CCDC192: variants seen among roughly 807,000 people sequenced by gnomAD.
The protein encoded by CCDC192 is coiled-coil domain-containing protein 192.
At chr5:127,754,731 A>G (rs1580602213) in intron 3 of CCDC192, among the ~76,000 whole-genome samples, 1 of 152,360 alleles carries the variant, frequency 6.6e-6, no homozygotes, top group East Asian at 1.9e-4. Flanking sequence ...TTATAAACAG[A>G]TAAGCTCAAA....
intron 2 of CCDC192, among the ~76,000 whole-genome samples, chr5:127,751,538 G>T (rs549338937): frequency 2.6e-4 from 39 of 152,224 alleles, no homozygotes; most frequent in African/African-American, 9.4e-4. Context: ...CTCTCTGGCT[G>T]CCCTTAACAT....
chr5:127,866,861 A>G (rs184621965), intron 5 of CCDC192, among the ~76,000 whole-genome samples: 48 of 152,344 alleles, frequency 3.2e-4, no homozygotes, highest in African/African-American at 1.1e-3. Context: ...AATAATACAT[A>G]TCACAGAAAA....
chr5:127,886,721 T>A (rs1024942303), intron 6 of CCDC192, among the ~76,000 whole-genome samples: 1 of 152,226 alleles, frequency 6.6e-6, no homozygotes, highest in Non-Finnish European at 1.5e-5. Context: ...TATTAGTAGT[T>A]CAGTTCAGTT....
intron 2 of CCDC192, among the ~76,000 whole-genome samples, chr5:127,751,894 C>T (rs1423098331): frequency 6.6e-6 from 1 of 152,100 alleles, no homozygotes; most frequent in Non-Finnish European, 1.5e-5. Flanking sequence ...CCCTTTCTTC[C>T]AGTTGATCGC....
chr5:127,919,347 ATT>A (rs1753639922), intron 6 of CCDC192, among the ~76,000 whole-genome samples: 1 of 152,096 alleles, frequency 6.6e-6, no homozygotes, highest in Non-Finnish European at 1.5e-5. Flanking sequence ...ACTACAGATA[ATT>A]TTTTAAGTTA....
chr5:127,902,428 G>GAACA (rs975546498), intron 6 of CCDC192, among the ~76,000 whole-genome samples: 7 of 150,716 alleles, frequency 4.6e-5, no homozygotes, highest in African/African-American at 1.7e-4. Flanking sequence ...AGAACAAAAT[G>GAACA]AACAAACAAA....
At chr5:127,805,222 C>T (rs1311579002) in intron 5 of CCDC192, among the ~76,000 whole-genome samples, 3 of 152,162 alleles carry the variant, frequency 2.0e-5, no homozygotes, top group Admixed American at 1.3e-4. Flanking sequence ...CCTAAATGCT[C>T]CCACCCACAT....
At chr5:127,835,548 C>A (rs549130335) in intron 5 of CCDC192, among the ~76,000 whole-genome samples, 110 of 152,242 alleles carry the variant, frequency 7.2e-4, no homozygotes, top group African/African-American at 2.6e-3. Context: ...TTTCACACTA[C>A]TGTAAAGACA....
intron 3 of CCDC192, among the ~76,000 whole-genome samples, chr5:127,774,167 T>C (rs1038166698): frequency 6.6e-6 from 1 of 152,206 alleles, no homozygotes; most frequent in African/African-American, 2.4e-5. Flanking sequence ...ACTAAACCTT[T>C]ATCATATATG....
chr5:127,739,208 C>T (rs1753236809), intron 2 of CCDC192, among the ~76,000 whole-genome samples: 1 of 152,108 alleles, frequency 6.6e-6, no homozygotes, highest in African/African-American at 2.4e-5. Flanking sequence ...GTCAGTGTGC[C>T]CCTGCTGGGG....
chr5:127,922,913 A>T (rs1304153329), intron 6 of CCDC192, among the ~76,000 whole-genome samples: 2 of 152,202 alleles, frequency 1.3e-5, no homozygotes, highest in African/African-American at 4.8e-5. Flanking sequence ...GTAGTAAATA[A>T]ATACCGGTAG....
intron 5 of CCDC192, among the ~76,000 whole-genome samples, chr5:127,823,079 A>G (rs1749370200): frequency 2.0e-5 from 3 of 152,202 alleles, no homozygotes; most frequent in Admixed American, 1.3e-4. Flanking sequence ...GCATCGCAAG[A>G]GGTCAGCCCA....
chr5:127,778,272 A>C (rs1755989042), intron 3 of CCDC192, among the ~76,000 whole-genome samples: 1 of 152,196 alleles, frequency 6.6e-6, no homozygotes, highest in Non-Finnish European at 1.5e-5. Flanking sequence ...AATGTCTTTT[A>C]TCATGTTGAG....
chr5:127,783,667 G>A (rs1257125950), intron 3 of CCDC192, among the ~76,000 whole-genome samples: 1 of 152,088 alleles, frequency 6.6e-6, no homozygotes, highest in African/African-American at 2.4e-5. Context: ...TAAATCCATT[G>A]TTTGTTGTTG....
At chr5:127,865,346 G>A (rs370855294) in intron 5 of CCDC192, among the ~76,000 whole-genome samples, 8 of 152,062 alleles carry the variant, frequency 5.3e-5, no homozygotes, top group East Asian at 3.9e-4. Flanking sequence ...ACTGCTTGAA[G>A]TTCAGACCAT....
Position 127,855,136 on chromosome 5 carries a change from G to T in CCDC192, c.412-20402G>T, listed in dbSNP as rs1205132299. The stretch of plus-strand genomic sequence containing the variant: ...GTGGTGGATGTTTGCTGCACTGATT[G>T]ACTCTTGCTTTCGTGAAAGATTCTG... On this transcript the variant is annotated intron_variant, in intron 5 of 6. Coordinates refer to ENST00000514853, the MANE Select transcript of CCDC192 (RefSeq NM_001317938.2). Among the ~76,000 whole-genome samples, 3 of 152,128 alleles carry T rather than the reference G, an allele frequency of 2.0e-5. No individual in the cohort carries two copies. In the East Asian group the frequency reaches 5.8e-4, roughly 29 times the overall value.
At chr5:127,903,622 G>C (rs997317588) in intron 6 of CCDC192, among the ~76,000 whole-genome samples, 1 of 152,182 alleles carries the variant, frequency 6.6e-6, no homozygotes, top group Non-Finnish European at 1.5e-5. Context: ...ATGCAGGCAT[G>C]AGTGGAGCCT....
chr5:127,812,703 G>C (rs1218531438), intron 5 of CCDC192, among the ~76,000 whole-genome samples: 1 of 152,204 alleles, frequency 6.6e-6, no homozygotes, highest in Non-Finnish European at 1.5e-5. Context: ...TTCTGCCAAA[G>C]GAGGAATTAG....
intron 3 of CCDC192, among the ~76,000 whole-genome samples, chr5:127,779,510 C>T (rs1341940784): frequency 6.6e-6 from 1 of 151,910 alleles, no homozygotes; most frequent in Non-Finnish European, 1.5e-5. Context: ...TTAGCCGGGA[C>T]AGTCTCGATC....
Sources: allele counts gnomAD v4.1 joint callset (sites outside exome capture counted in the v4.1 genomes callset), GRCh38; gene constraint gnomAD v4.1.1; transcripts MANE v1.5; gene names NCBI Gene and HGNC (gene_info 2026-07-23, HGNC 2026-07-21).